Variants in SEMA5A observed in about 807,000 individuals in gnomAD.
The protein encoded by SEMA5A is semaphorin-5A.
In SEMA5A, 55 loss-of-function variants were observed where a neutral mutation model predicts 135.5. The ratio of observed to expected loss-of-function variants is 0.41; its 90% CI spans 0.33 to 0.51. The LOEUF is 0.51. SEMA5A is among the 20% of genes least tolerant of loss of function. The pLI is 0.37. For synonymous variants in SEMA5A, 580 were observed against 546.5 expected (o/e 1.06, Z -0.85); for missense variants, 1,290 against 1,419.9 (o/e 0.91, Z 1.47).
intron 3 of SEMA5A, among the ~76,000 whole-genome samples, chr5:9,346,432 A>G (rs141121727): frequency 6.5e-4 from 99 of 152,244 alleles, no homozygotes; most frequent in African/African-American, 2.2e-3. Flanking sequence ...GGGCAGACAC[A>G]AAAGGGCCTG....
At chr5:9,175,065 TG>T (rs1445430742) in intron 11 of SEMA5A, among the ~76,000 whole-genome samples, 11 of 152,168 alleles carry the variant, frequency 7.2e-5, no homozygotes, top group Admixed American at 6.5e-4. Flanking sequence ...ATGACTGTGG[TG>T]GGCCAGGTGA....
At chr5:9,345,487 C>T (rs935981093) in intron 3 of SEMA5A, among the ~76,000 whole-genome samples, 2 of 141,242 alleles carry the variant, frequency 1.4e-5, no homozygotes, top group Non-Finnish European at 1.5e-5. Context: ...TGCTGATTTA[C>T]ATTATGGATA....
At chr5:9,135,356 A>G (rs1741677512) in intron 13 of SEMA5A, among the ~76,000 whole-genome samples, 1 of 151,058 alleles carries the variant, frequency 6.6e-6, no homozygotes, top group African/African-American at 2.4e-5. Flanking sequence ...AATTTTTTGT[A>G]TTTTTTAGCA....
chr5:9,479,992 T>A (rs903247287), intron 1 of SEMA5A, among the ~76,000 whole-genome samples: 1 of 152,202 alleles, frequency 6.6e-6, no homozygotes, highest in African/African-American at 2.4e-5. Flanking sequence ...AATGTTCTTT[T>A]TTTTCTCCTC....
At chr5:9,464,343 T>G (rs775661198) in intron 1 of SEMA5A, among the ~76,000 whole-genome samples, 1 of 152,188 alleles carries the variant, frequency 6.6e-6, no homozygotes, top group Non-Finnish European at 1.5e-5. Context: ...TAAACTCCCA[T>G]GTCTTACTAA....
intron 1 of SEMA5A, among the ~76,000 whole-genome samples, chr5:9,452,895 A>G (rs1325752986): frequency 1.3e-5 from 2 of 152,180 alleles, no homozygotes; most frequent in African/African-American, 4.8e-5. Flanking sequence ...GGTCTAATAC[A>G]TCATCCAGGA....
chr5:9,277,920 G>T (rs1750348592), intron 5 of SEMA5A, among the ~76,000 whole-genome samples: 1 of 151,992 alleles, frequency 6.6e-6, no homozygotes, highest in Non-Finnish European at 1.5e-5. Context: ...TAACAGACTT[G>T]CATGTTCCGC....
chr5:9,194,914 G>A (rs370413695), intron 10 of SEMA5A, among the ~76,000 whole-genome samples: 7 of 152,112 alleles, frequency 4.6e-5, no homozygotes, highest in African/African-American at 9.7e-5. Flanking sequence ...CCTGATGAAC[G>A]GGCTACAAGT....
chr5:9,044,745 T>C (rs188876656), intron 21 of SEMA5A, among the ~76,000 whole-genome samples, 161 bp from the exon 22 acceptor site: 118 of 152,238 alleles, frequency 7.8e-4, no homozygotes, highest in African/African-American at 2.6e-3. Flanking sequence ...GGAAATGTCA[T>C]GGCCATCAAG....
chr5:9,340,669 T>C (rs1011849513), intron 3 of SEMA5A, among the ~76,000 whole-genome samples: 4 of 152,180 alleles, frequency 2.6e-5, no homozygotes, highest in African/African-American at 9.6e-5. Context: ...TTATTTGAAA[T>C]TCTAATGAAC....
At chr5:9,135,545 G>T (rs966549610) in intron 13 of SEMA5A, among the ~76,000 whole-genome samples, 3 of 152,036 alleles carry the variant, frequency 2.0e-5, no homozygotes, top group Non-Finnish European at 4.4e-5. Context: ...AACAGAAAGG[G>T]TAAGTTCTTT....
At chr5:9,485,020 T>A (rs1760024070) in intron 1 of SEMA5A, among the ~76,000 whole-genome samples, 1 of 152,210 alleles carries the variant, frequency 6.6e-6, no homozygotes, top group South Asian at 2.1e-4. Context: ...AAATTTAAGA[T>A]AAACAGAAGA....
intron 12 of SEMA5A, among the ~76,000 whole-genome samples, chr5:9,153,619 G>T (rs577948601): frequency 1.3e-5 from 2 of 151,960 alleles, no homozygotes; most frequent in African/African-American, 4.8e-5. Context: ...GGAGGGGGGG[G>T]TGTCCCGGAA....
At chr5:9,201,091 A>T (rs1806107) in intron 9 of SEMA5A, among the ~76,000 whole-genome samples, 1 of 152,234 alleles carries the variant, frequency 6.6e-6, no homozygotes, top group Non-Finnish European at 1.5e-5. Context: ...GTCACAAGAC[A>T]AGAGATTTCA....
intron 10 of SEMA5A, among the ~76,000 whole-genome samples, chr5:9,195,066 AC>A: frequency 6.6e-6 from 1 of 152,368 alleles, no homozygotes; most frequent in Non-Finnish European, 1.5e-5. Flanking sequence ...ATTTTATTAT[AC>A]AAAGGACTTT....
intron 5 of SEMA5A, among the ~76,000 whole-genome samples, chr5:9,267,068 G>C (rs1749719375): frequency 6.6e-6 from 1 of 152,194 alleles, no homozygotes; most frequent in East Asian, 1.9e-4. Flanking sequence ...GAAAGTAGCA[G>C]AATCAAGGTG....
chr5:9,180,371 G>C (rs886132192), intron 11 of SEMA5A, among the ~76,000 whole-genome samples: 1 of 152,070 alleles, frequency 6.6e-6, no homozygotes, highest in Non-Finnish European at 1.5e-5. Flanking sequence ...TGTTATCAAA[G>C]AAGCACTCAA....
intron 2 of SEMA5A, among the ~76,000 whole-genome samples, chr5:9,426,402 G>C (rs931136944): frequency 9.7e-6 from 1 of 103,214 alleles, no homozygotes. Context: ...TCCAGCCCTG[G>C]CAACAGAGCG....
intron 4 of SEMA5A, among the ~76,000 whole-genome samples, chr5:9,320,451 C>T (rs748630529): frequency 9.2e-5 from 14 of 152,232 alleles, no homozygotes; most frequent in African/African-American, 1.7e-4. Context: ...CACATTGCCC[C>T]GTAATCCCAG....
Sources: gnomAD v4.1 joint callset for allele counts (sites outside exome capture counted in the v4.1 genomes callset) on GRCh38, gnomAD v4.1.1 for gene constraint, MANE v1.5 for transcripts, NCBI Gene and HGNC (gene_info 2026-07-23, HGNC 2026-07-21) for gene names.